EMCN: variants seen among roughly 807,000 people sequenced by gnomAD.
The protein encoded by EMCN is endomucin.
EMCN carries 37 observed loss-of-function variants against 38.4 expected under a neutral mutation model. The observed-to-expected ratio is 0.96, with a 90% CI of 0.74 to 1.27. The LOEUF is 1.27. Among genes scored for constraint, EMCN ranks in the 50% most tolerant of loss-of-function variants. The pLI, the probability that EMCN is intolerant of heterozygous loss-of-function variation, is 0.00. For missense variants in EMCN, 318 were observed against 302.8 expected (o/e 1.05, Z -0.37); for synonymous variants, 95 against 100.8 (o/e 0.94, Z 0.35).
intron 9 of EMCN, 152 bp from the exon 10 acceptor site, chr4:100,416,111 T>TAC (rs1410998949): frequency 7.5e-6 from 3 of 402,334 alleles, no homozygotes; most frequent in Non-Finnish European, 1.3e-5. Context: ...TGTGTATACA[T>TAC]ACATATATAT....
chr4:100,483,575 A>G (rs1026430044), intron 1 of EMCN: 1 of 152,192 alleles, frequency 6.6e-6, no homozygotes, highest in Non-Finnish European at 1.5e-5. Flanking sequence ...AAATGTTTCC[A>G]TATTAGACTT....
intron 9 of EMCN, among the ~76,000 whole-genome samples, chr4:100,416,280 G>T (rs1982088): frequency 0.013 from 1,909 of 152,248 alleles, 41 homozygotes; most frequent in African/African-American, 0.043. Context: ...TGAGTTGTGT[G>T]AAACACTTGG....
At chr4:100,510,463 T>G (rs1729597498) in intron 1 of EMCN, among the ~76,000 whole-genome samples, 1 of 152,212 alleles carries the variant, frequency 6.6e-6, no homozygotes. Context: ...TGTTTAAATA[T>G]TTTCTGCTTC....
At chr4:100,420,104 C>G (rs900721038) in intron 8 of EMCN, among the ~76,000 whole-genome samples, 3 of 151,992 alleles carry the variant, frequency 2.0e-5, no homozygotes, top group African/African-American at 4.8e-5. Context: ...ATTTACTGTA[C>G]CTTTAAAAAT....
intron 1 of EMCN, among the ~76,000 whole-genome samples, chr4:100,482,481 A>C (rs1428996919): frequency 6.6e-6 from 1 of 152,188 alleles, no homozygotes; most frequent in East Asian, 1.9e-4. Flanking sequence ...GCTAGGAGCT[A>C]GGGCTGGAAG....
intron 1 of EMCN, among the ~76,000 whole-genome samples, chr4:100,481,983 T>C (rs986539008): frequency 5.3e-5 from 8 of 151,916 alleles, no homozygotes. Flanking sequence ...TCAATATTTA[T>C]TGAGCAACTA....
At chr4:100,441,904 T>C (rs891893000) in intron 5 of EMCN, among the ~76,000 whole-genome samples, 1 of 152,168 alleles carries the variant, frequency 6.6e-6, no homozygotes, top group African/African-American at 2.4e-5. Context: ...ATGCTAGAGA[T>C]ACACATGATT....
intron 1 of EMCN, among the ~76,000 whole-genome samples, chr4:100,480,735 G>A (rs1206902314): frequency 6.6e-6 from 1 of 151,594 alleles, no homozygotes; most frequent in Admixed American, 6.6e-5. Context: ...AATTGGGCAG[G>A]CAAAGGCACA....
chr4:100,517,702 G>A (rs562439913), intron 1 of EMCN, 149 bp downstream of exon 1: 4 of 738,350 alleles, frequency 5.4e-6, no homozygotes, highest in Admixed American at 2.0e-5. Context: ...CCTTCTCCAC[G>A]CACTCCAAGT....
At chr4:100,435,262 AC>A (rs1323373615) in intron 5 of EMCN, among the ~76,000 whole-genome samples, 1 of 152,106 alleles carries the variant, frequency 6.6e-6, no homozygotes, top group African/African-American at 2.4e-5. Context: ...TCATGAATAA[AC>A]TCACATTCAT....
chr4:100,425,784 T>C (rs1727028929), intron 5 of EMCN, among the ~76,000 whole-genome samples: 1 of 152,124 alleles, frequency 6.6e-6, no homozygotes. Context: ...ATGAAAAATA[T>C]ATGAACTTCA....
chr4:100,473,940 G>T, intron 3 of EMCN: 2 of 153,080 alleles, frequency 1.3e-5, no homozygotes, highest in South Asian at 3.6e-4. Flanking sequence ...TGGTTGGAGT[G>T]AGAAAAAGCT....
At chr4:100,457,706 T>G (rs912091026) in intron 4 of EMCN, among the ~76,000 whole-genome samples, 5 of 152,286 alleles carry the variant, frequency 3.3e-5, no homozygotes, top group Admixed American at 2.6e-4. Context: ...CTTGCTAATA[T>G]TTTGTTGAAC....
At chr4:100,432,713 A>G (rs1008753822) in intron 5 of EMCN, among the ~76,000 whole-genome samples, 1 of 152,134 alleles carries the variant, frequency 6.6e-6, no homozygotes, top group Admixed American at 6.6e-5. Context: ...TTTCTATCAC[A>G]TACTACTGTT....
intron 5 of EMCN, among the ~76,000 whole-genome samples, chr4:100,431,407 A>G (rs1727195983): frequency 6.6e-6 from 1 of 152,102 alleles, no homozygotes; most frequent in Admixed American, 6.6e-5. Flanking sequence ...GAATCAGTAT[A>G]CTGAGCAAAG....
intron 1 of EMCN, among the ~76,000 whole-genome samples, chr4:100,484,558 G>A (rs1728892167): frequency 6.6e-6 from 1 of 151,992 alleles, no homozygotes; most frequent in Non-Finnish European, 1.5e-5. Flanking sequence ...TAAAGTCAGA[G>A]TTTTTATCCA....
chr4:100,433,637 A>G (rs200501167), intron 5 of EMCN, among the ~76,000 whole-genome samples: 1 of 151,680 alleles, frequency 6.6e-6, no homozygotes, highest in African/African-American at 2.4e-5. Flanking sequence ...CCAGGTTCAA[A>G]TGATTCTCCT....
intron 4 of EMCN, among the ~76,000 whole-genome samples, chr4:100,456,336 A>G (rs1424532409): frequency 6.6e-6 from 1 of 151,866 alleles, no homozygotes; most frequent in Non-Finnish European, 1.5e-5. Context: ...ATTCCTACTC[A>G]TATTTTTATT....
At chr4:100,454,432 T>A (rs1366685058) in intron 4 of EMCN, among the ~76,000 whole-genome samples, 1 of 152,026 alleles carries the variant, frequency 6.6e-6, no homozygotes, top group Non-Finnish European at 1.5e-5. Context: ...ACGTATGGAT[T>A]ATGAAACCTA....
Sources: gnomAD v4.1 joint callset for allele counts (sites outside exome capture counted in the v4.1 genomes callset) on GRCh38, gnomAD v4.1.1 for gene constraint, MANE v1.5 for transcripts, NCBI Gene and HGNC (gene_info 2026-07-23, HGNC 2026-07-21) for gene names.